PTPRN2: variants seen among roughly 807,000 people sequenced by gnomAD.
The protein encoded by PTPRN2 is protein tyrosine phosphatase receptor type N2.
In PTPRN2, 74 loss-of-function variants were observed where a neutral mutation model predicts 118.8. The observed-to-expected ratio is 0.62, with a 90% CI of 0.52 to 0.76. The LOEUF is 0.76. PTPRN2 is among the 30% of genes least tolerant of loss of function. The pLI is 0.00. For synonymous variants in PTPRN2, 641 were observed against 608.0 expected (o/e 1.05, Z -0.80); for missense variants, 1,481 against 1,394.4 (o/e 1.06, Z -0.99).
chr7:157,757,230 T>C (rs543330883), intron 12 of PTPRN2, among the ~76,000 whole-genome samples: 1 of 148,134 alleles, frequency 6.8e-6, no homozygotes, highest in Non-Finnish European at 1.5e-5. Context: ...GAATTGGCCA[T>C]GGGTGAAGGC....
chr7:158,171,346 T>TACAC (rs1439135078), intron 5 of PTPRN2, among the ~76,000 whole-genome samples: 3 of 117,628 alleles, frequency 2.6e-5, no homozygotes, highest in Admixed American at 8.4e-5. Context: ...TATATATATA[T>TACAC]ATACACACAC....
chr7:157,611,905 C>T lies in PTPRN2; in HGVS notation c.2345-7830G>A, dbSNP rs561117115. 4.7e-5 allele frequency among the ~76,000 whole-genome samples: 7 copies of T among 147,734 alleles called. No homozygotes were observed. The highest frequency in any genetic ancestry group is 4.1e-4 in the East Asian group (2 of 4,924). On this transcript the variant is annotated intron_variant, in intron 15 of 22. Transcript: ENST00000389418. This position sits in a 1 kb window ranked among gnomAD's most constrained non-coding sequence, Gnocchi z 5.9. ...CAGCCGCAGTCATGCTGGGGACACG[C>T]GGAGGGAGAGCGCCCGTGTGAAGAC...
chr7:157,579,154 C>G (rs1800215616), intron 17 of PTPRN2, among the ~76,000 whole-genome samples: 1 of 152,216 alleles, frequency 6.6e-6, no homozygotes, highest in Non-Finnish European at 1.5e-5. Context: ...AAAAATCAGA[C>G]ACAAACACGA....
chr7:157,949,966 C>T (rs116025087), intron 11 of PTPRN2, among the ~76,000 whole-genome samples: 1,532 of 152,268 alleles, frequency 0.01, 24 homozygotes, highest in African/African-American at 0.035. Flanking sequence ...TTGAAGTTGG[C>T]AGGAAAGTTA....
rs1802373340 is a variant in PTPRN2 at position 157,611,965 on chromosome 7, T to G, written c.2345-7890A>C. Among the ~76,000 whole-genome samples, 1 of 152,084 alleles carries G rather than the reference T, an allele frequency of 6.6e-6. No individual in the cohort carries two copies. Among genetic ancestry groups the G allele is most frequent in the African/African-American group, 2.4e-5 (1 of 41,412 alleles). ...CGTGGTCGTGCTGAGGAGCGAGGCCTCCAGAGAAGCCAGCCCTGCTGACAC... is the reference window on the plus strand; with the variant it reads ...CGTGGTCGTGCTGAGGAGCGAGGCCGCCAGAGAAGCCAGCCCTGCTGACAC... On this transcript the variant is annotated intron_variant, in intron 15 of 22. Coordinates refer to ENST00000389418, the MANE Select transcript of PTPRN2 (RefSeq NM_002847.5). The surrounding 1 kb of genome is among the most constrained non-coding windows in gnomAD (Gnocchi z 5.9).
intron 11 of PTPRN2, among the ~76,000 whole-genome samples, chr7:157,959,902 T>C (rs1000726296): frequency 6.6e-5 from 10 of 152,188 alleles, no homozygotes; most frequent in African/African-American, 2.2e-4. Context: ...AGCAGCACTA[T>C]TCCCAACAGC....
intron 12 of PTPRN2, among the ~76,000 whole-genome samples, chr7:157,851,921 C>T (rs1185092405): frequency 3.3e-5 from 5 of 152,366 alleles, no homozygotes; most frequent in Admixed American, 1.3e-4. Context: ...ACTTGTGCCT[C>T]CGCCCACCTC....
chr7:157,910,550 G>C (rs746810863), intron 11 of PTPRN2, among the ~76,000 whole-genome samples: 3 of 152,254 alleles, frequency 2.0e-5, no homozygotes, highest in Non-Finnish European at 4.4e-5. Flanking sequence ...GTAGGAACGG[G>C]CGCAGAATCA....
At position 157,680,137 on chromosome 7, in the gene PTPRN2, CT is replaced by C. The variant is rs372903385; in HGVS notation, c.2001+2587del. 2.3e-4 allele frequency among the ~76,000 whole-genome samples: 35 copies of C among 152,312 alleles called. 2 individuals carry two copies. Among genetic ancestry groups the C allele is most frequent in the African/African-American group, 7.2e-4 (30 of 41,574 alleles). On this transcript the variant is annotated intron_variant, in intron 13 of 22. Transcript: ENST00000389418. ...CCTCTCACCTACCTTGCACAATAAT[CT>C]TTTTATTTTTCAGAAGCTTTAAGAC... is the stretch of plus-strand genomic sequence containing the variant.
intron 10 of PTPRN2, among the ~76,000 whole-genome samples, chr7:158,086,265 C>G (rs188526644): frequency 6.2e-4 from 95 of 152,232 alleles, no homozygotes; most frequent in African/African-American, 2.1e-3. Flanking sequence ...AGGCTGAAGC[C>G]ACAATGATAG....
chr7:157,975,595 G>C (rs942982894), intron 11 of PTPRN2, among the ~76,000 whole-genome samples: 2 of 152,142 alleles, frequency 1.3e-5, no homozygotes, highest in Non-Finnish European at 2.9e-5. Context: ...TTTTCAGTGA[G>C]TGTCACAGAT....
intron 11 of PTPRN2, among the ~76,000 whole-genome samples, chr7:157,946,841 G>A (rs1800517280): frequency 6.6e-6 from 1 of 152,264 alleles, no homozygotes; most frequent in South Asian, 2.1e-4. Context: ...TGAAGTACAT[G>A]CACAAACCAC....
At chr7:158,274,826 T>C (rs574216268) in intron 3 of PTPRN2, among the ~76,000 whole-genome samples, 2 of 152,322 alleles carry the variant, frequency 1.3e-5, no homozygotes, top group Admixed American at 1.3e-4. Flanking sequence ...GCATTTCACA[T>C]AGAAACACAG....
chr7:157,760,915 T>C (rs1017143686), intron 12 of PTPRN2, among the ~76,000 whole-genome samples: 25 of 152,156 alleles, frequency 1.6e-4, no homozygotes, highest in Admixed American at 7.9e-4. Context: ...TTCCTTCTCC[T>C]GCCTAATTGC....
chr7:158,064,129 G>A (rs1212482615), intron 11 of PTPRN2, among the ~76,000 whole-genome samples: 1 of 152,240 alleles, frequency 6.6e-6, no homozygotes, highest in Non-Finnish European at 1.5e-5. Context: ...CGAGGTCTCA[G>A]CCTCTAAGTA....
At position 157,576,754 on chromosome 7, in the gene PTPRN2, C is replaced by A. The variant is rs770664635; in HGVS notation, c.2642G>T (p.Trp881Leu). 1.2e-6 allele frequency: 2 copies of A among 1,606,938 alleles called. No individual in the cohort carries two copies. The highest frequency in any genetic ancestry group is 8.5e-7 in the Non-Finnish European group (1 of 1,176,424). Residue 881 changes from tryptophan (W) to leucine (L), a missense_variant, in exon 19 of 23, where the codon TGG becomes TTG. By Grantham distance (61) the Trp-to-Leu change is moderately conservative. Around this residue, in one of 3 missense-constraint regions of PTPRN2, gnomAD observed 362 missense variants for 384.1 expected, o/e 0.94. Coordinates refer to ENST00000389418, the MANE Select transcript of PTPRN2 (RefSeq NM_002847.5). ...GCTCCTCACCAGGAAGTCCTCACACCAGATGTGCTCGGAGACCAGGTTCAC... is the reference window on the plus strand; with the variant it reads ...GCTCCTCACCAGGAAGTCCTCACACAAGATGTGCTCGGAGACCAGGTTCAC... Reference protein sequence around the residue: ...YEVNLVSEHIWCEDFLVRSFY... With the variant: ...YEVNLVSEHILCEDFLVRSFY...
intron 3 of PTPRN2, among the ~76,000 whole-genome samples, chr7:158,257,731 T>C (rs12698187): frequency 0.12 from 18,149 of 152,312 alleles, 1,247 homozygotes; most frequent in African/African-American, 0.18. Context: ...CGGCGGTGAC[T>C]GCCCCCGCCC....
intron 11 of PTPRN2, among the ~76,000 whole-genome samples, chr7:157,902,745 G>A (rs563769652): frequency 6.6e-6 from 1 of 152,304 alleles, no homozygotes; most frequent in African/African-American, 2.4e-5. Context: ...ACGAGTCTGA[G>A]AGAGTTTGTT....
Position 158,133,821 on chromosome 7 carries a change from C to A in PTPRN2, c.1412G>T (p.Gly471Val), listed in dbSNP as rs995224460. ...CCCAGGCATCTGGTTTTGGAGCTCCCCAAACGCAGCGGCCCCGGGCTCCGA... is the reference window on the plus strand; with the variant it reads ...CCCAGGCATCTGGTTTTGGAGCTCCACAAACGCAGCGGCCCCGGGCTCCGA... ...PHSEPGAAAF[G>V]ELQNQMPGPS... Residue 471 changes from glycine to valine, a missense_variant, in exon 9 of 23, where the codon GGG becomes GTG. Around this residue, in one of 3 missense-constraint regions of PTPRN2, gnomAD observed 1,115 missense variants for 994.2 expected, o/e 1.12. Transcript: ENST00000389418. 4.3e-6 allele frequency: 7 copies of A among 1,613,960 alleles called. No individual in the cohort carries two copies. Among genetic ancestry groups the A allele is most frequent in the Middle Eastern group, 1.7e-4 (1 of 6,060 alleles).
Sources: allele counts gnomAD v4.1 joint callset (sites outside exome capture counted in the v4.1 genomes callset), GRCh38; gene constraint gnomAD v4.1.1; regional missense constraint gnomAD v4.1.1; non-coding constraint Gnocchi (gnomAD v3.1); transcripts MANE v1.5; gene names NCBI Gene and HGNC (gene_info 2026-07-23, HGNC 2026-07-21).